The following TUBGCP2 variants were observed in gnomAD, a reference collection of about 807,000 sequenced individuals.
TUBGCP2 encodes the protein tubulin gamma complex component 2.
In TUBGCP2, 55 loss-of-function variants were observed where a neutral mutation model predicts 92.2. The observed-to-expected ratio is 0.60, with a 90% CI of 0.48 to 0.75. The LOEUF (loss-of-function observed/expected upper bound fraction) is 0.75, where lower values mean the gene tolerates loss of function less well. TUBGCP2 is among the 30% of genes least tolerant of loss of function. The pLI is 0.00. For missense variants in TUBGCP2, 1,093 were observed against 1,188.9 expected, an observed-to-expected ratio of 0.92 and a Z score of 1.19; for synonymous variants, 533 against 505.2, an observed-to-expected ratio of 1.06 and a Z score of -0.74.
In TUBGCP2 at chr10:133,305,452, C is replaced by G. The variant is rs760721169; in HGVS notation, c.-39-2472G>C. 4.2e-4 allele frequency among the ~76,000 whole-genome samples: 64 copies of G among 152,174 alleles called. 1 individual carries two copies. The highest frequency in any genetic ancestry group is 5.9e-5 in the Non-Finnish European group (4 of 68,052). On this transcript the variant is annotated intron_variant, in intron 1 of 17. Transcript: ENST00000252936. ...CAGCGCAGCCAGGCATTCGGGGCCA[C>G]TACCGGTCTCTGCGTCTTGGTGGTA...
intron 10 of TUBGCP2, 97 bp from the exon 11 acceptor site, chr10:133,288,406 C>A (rs1847188269): frequency 1.3e-6 from 2 of 1,487,210 alleles, no homozygotes; most frequent in Admixed American, 4.4e-5. Flanking sequence ...AGGTGCCCGC[C>A]ACAGCCAGGG....
chr10:133,281,333 G>C lies in TUBGCP2; in HGVS notation c.2513C>G (p.Ala838Gly). The C allele has an allele frequency of 6.2e-7, 1 of 1,613,538 alleles. No homozygotes were observed. Among genetic ancestry groups the C allele is most frequent in the Non-Finnish European group, 8.5e-7 (1 of 1,179,994 alleles). ...NFSAHLLDLLARLSIYSTSDC... is the reference protein window; with the variant it reads ...NFSAHLLDLLGRLSIYSTSDC... ...ACTGGTGCTATAGATGCTCAGCCGG[G>C]CCAGGAGGTCCAGCAGGTGGGCTGA... The change falls in exon 17 of 18, where the codon GCC (alanine) becomes GGC (glycine). Residue 838 changes from alanine (A) to glycine (G), a missense_variant. By Grantham distance (60) the Ala-to-Gly change is moderately conservative (BLOSUM62 0). Transcript: ENST00000252936.
chr10:133,289,772 C>A, intron 9 of TUBGCP2, 52 bp downstream of exon 9: 2 of 94,186 alleles, frequency 2.1e-5, no homozygotes, highest in South Asian at 1.7e-4. Flanking sequence ...GCAGGAGACT[C>A]TCCAGGCAGA....
At chr10:133,308,031 A>G (rs575725201) in intron 1 of TUBGCP2, among the ~76,000 whole-genome samples, 1 of 152,180 alleles carries the variant, frequency 6.6e-6, no homozygotes, top group East Asian at 1.9e-4. Context: ...GGACCACTTG[A>G]GCCCAAGAAT....
rs1299868855 is a variant in TUBGCP2, at chr10:133,283,102, G to A, written c.2265C>T (p.Cys755=). The change falls in exon 15 of 18, where the codon TGC becomes TGT. Residue 755 remains cysteine (C), a synonymous_variant. Transcript: ENST00000252936. ...LKVFSKLMSV[C]VMFTNCMQKF... Reference sequence around the variant, plus strand: ...CCTGCATGCAGTTGGTGAACATGACGCACACAGACATGAGCTTGGAGAAGA... The same window carrying A: ...CCTGCATGCAGTTGGTGAACATGACACACACAGACATGAGCTTGGAGAAGA... 1.3e-5 allele frequency: 21 copies of A among 1,614,084 alleles called. No individual in the cohort carries two copies. The East Asian group carries it at 2.0e-4, about 15-fold the overall frequency.
At chr10:133,308,079 T>C (rs914272832) in intron 1 of TUBGCP2, among the ~76,000 whole-genome samples, 5 of 151,708 alleles carry the variant, frequency 3.3e-5, no homozygotes, top group Non-Finnish European at 7.4e-5. Context: ...GATCGCACCA[T>C]TGCACTCCAG....
Position 133,285,105 on chromosome 10 carries a change from G to A in TUBGCP2, c.2004C>T (p.His668=), listed in dbSNP as rs754601418. 3 of 1,609,514 alleles carry A rather than the reference G, an allele frequency of 1.9e-6. No homozygotes were observed. Among genetic ancestry groups the A allele is most frequent in the African/African-American group, 1.3e-5 (1 of 74,892 alleles). ...CGCACCACTGGGCGGAGTGCAGCGA[G>A]TGCTGCTTGGCGGTTTTGTTGCTGA... ...VWISNKTAKQ[H]SLHSAQWFAG... The change falls in exon 13 of 18, where the codon CAC becomes CAT. Residue 668 remains histidine (H), a synonymous_variant. Coordinates refer to ENST00000252936, the MANE Select transcript of TUBGCP2 (RefSeq NM_006659.4). The surrounding 1 kb of genome is among the most constrained non-coding windows in gnomAD (Gnocchi z 6.8).
intron 5 of TUBGCP2, among the ~76,000 whole-genome samples, chr10:133,296,566 C>G (rs1293406211): frequency 1.3e-5 from 2 of 152,104 alleles, no homozygotes; most frequent in Non-Finnish European, 2.9e-5. Context: ...CAGCCTCGAC[C>G]TCTCAGGCTC....
intron 2 of TUBGCP2, 109 bp downstream of exon 2, chr10:133,302,683 G>A: frequency 2.1e-6 from 3 of 1,439,728 alleles, no homozygotes; most frequent in East Asian, 2.4e-5. Context: ...CCCTGACCCA[G>A]GAACGGCGCT....
rs1203440473 is a variant in TUBGCP2, at chr10:133,281,288, G to A, written c.2558C>T (p.Ala853Val). The A allele has an allele frequency of 4.3e-6, 7 of 1,611,540 alleles. No homozygotes were observed. Among genetic ancestry groups the A allele is most frequent in the Non-Finnish European group, 5.9e-6 (7 of 1,179,892 alleles). ...GCCCACCCACCTGGAGATGACGCTG[G>A]CCATGCCGTGCTCACAGTCACTGGT... ...YSTSDCEHGM[A>V]SVISRLDFNG... The change falls in exon 17 of 18, where the codon GCC becomes GTC. Residue 853 changes from alanine to valine, a missense_variant. Physicochemically the swap from Ala to Val is moderately conservative, Grantham distance 64. Transcript: ENST00000252936.
intron 8 of TUBGCP2, among the ~76,000 whole-genome samples, chr10:133,291,264 G>A: frequency 2.0e-5 from 1 of 50,574 alleles, no homozygotes; most frequent in Admixed American, 2.3e-4. Context: ...GTCCCTCCGT[G>A]TCCCCCATGT....
At chr10:133,304,337 T>C (rs1847755153) in intron 1 of TUBGCP2, among the ~76,000 whole-genome samples, 1 of 152,236 alleles carries the variant, frequency 6.6e-6, no homozygotes, top group Admixed American at 6.5e-5. Context: ...CAACTGGCTA[T>C]AGATTACAAA....
Position 133,298,059 on chromosome 10 carries a change from G to A in TUBGCP2, c.509C>T (p.Ser170Leu), listed in dbSNP as rs745574797. The change falls in exon 5 of 18, where the codon TCA (serine) becomes TTA (leucine). Residue 170 changes from serine (S) to leucine (L), a missense_variant. Ser to Leu is a moderately radical substitution (Grantham distance 145). Around this residue, in one of 3 missense-constraint regions of TUBGCP2, gnomAD observed 490 missense variants for 488.5 expected, o/e 1.00. Coordinates refer to ENST00000252936, the MANE Select transcript of TUBGCP2 (RefSeq NM_006659.4). ...TGGGAAGATGGGGAGGTGCTGGCCTGAATTTTTTTTGTTCTGCTTGTCTCG... is the reference window on the plus strand; with the variant it reads ...TGGGAAGATGGGGAGGTGCTGGCCTAAATTTTTTTTGTTCTGCTTGTCTCG... Reference protein sequence around the residue: ...MLRDKQNKKNSGQHLPIFPAW... With the variant: ...MLRDKQNKKNLGQHLPIFPAW... 1.2e-6 allele frequency: 2 copies of A among 1,614,176 alleles called. No individual in the cohort carries two copies. Among genetic ancestry groups the A allele is most frequent in the Non-Finnish European group, 8.5e-7 (1 of 1,180,040 alleles).
intron 16 of TUBGCP2, among the ~76,000 whole-genome samples, chr10:133,281,725 G>A (rs1222344024): frequency 6.6e-6 from 1 of 152,262 alleles, no homozygotes; most frequent in Non-Finnish European, 1.5e-5. Flanking sequence ...GGAGGTCGGG[G>A]CGCCTCTCAG....
At chr10:133,293,410 A>T in intron 6 of TUBGCP2, 152 bp downstream of exon 6, 1 of 1,185,780 alleles carries the variant, frequency 8.4e-7, no homozygotes, top group Middle Eastern at 2.8e-4. Context: ...ATGGTGACTC[A>T]CAGACCCTCC....
chr10:133,293,426 T>C, intron 6 of TUBGCP2, 136 bp downstream of exon 6: 2 of 1,223,052 alleles, frequency 1.6e-6, no homozygotes, highest in South Asian at 1.5e-5. Context: ...CCTCCAAAAC[T>C]GAGTTGGGCA....
At position 133,307,937 on chromosome 10, in the gene TUBGCP2, G is replaced by T. The variant is rs184181498; in HGVS notation, c.-40+886C>A. The stretch of plus-strand genomic sequence containing the variant: ...AGACAACTGTAACACAGAGATATTT[G>T]TGTATCTAAACATGGAAAAAGTACA... On this transcript the variant is annotated intron_variant, in intron 1 of 17. Transcript: ENST00000252936. 1.7e-3 allele frequency among the ~76,000 whole-genome samples: 264 copies of T among 152,252 alleles called. 8 individuals are homozygous for T. The highest frequency in any genetic ancestry group is 1.6e-3 in the Admixed American group (25 of 15,292).
At chr10:133,303,033 C>G in intron 1 of TUBGCP2, 53 bp from the exon 2 acceptor site, 1 of 1,539,458 alleles carries the variant, frequency 6.5e-7, no homozygotes, top group Non-Finnish European at 8.9e-7. Context: ...AAATAAAAAA[C>G]ATTTTTTTAA....
In TUBGCP2 at chr10:133,291,260, CCGTGTCCCCCATGTCCCTCCGTGTCCCT is replaced by C. The variant is rs1372944280; in HGVS notation, c.1214+1211_1214+1238del. ...CGCCCTCCGTGTCCCCCATGTCCCT[CCGTGTCCCCCATGTCCCTCCGTGTCCCT>C]GTGTCCCGGGGAGCCCTACCTGTAC... On this transcript the variant is annotated intron_variant, in intron 8 of 17. Transcript: ENST00000252936. Among the ~76,000 whole-genome samples the C allele has an allele frequency of 2.6e-3, 192 of 72,720 alleles. 1 individual carries two copies. In the African/African-American group the frequency reaches 0.036, roughly 14 times the overall value. 47.7% of individuals were successfully genotyped at this position (72,720 alleles called of 152,430 possible). A position where few individuals can be genotyped will look rare whatever the true frequency, so the allele number is the denominator to read the frequency against.
Sources: gnomAD v4.1 joint callset for allele counts (sites outside exome capture counted in the v4.1 genomes callset) on GRCh38, gnomAD v4.1.1 for gene constraint, gnomAD v4.1.1 regional missense constraint, Gnocchi (gnomAD v3.1) non-coding constraint, MANE v1.5 for transcripts, NCBI Gene and HGNC (gene_info 2026-07-23, HGNC 2026-07-21) for gene names.